The following N4BP1 variants were observed in gnomAD, a reference collection of about 807,000 sequenced individuals.
The protein encoded by N4BP1 is NEDD4-binding protein 1.
Under a neutral mutation model 70.9 loss-of-function variants are expected in N4BP1, and 21 were observed. The observed-to-expected ratio is 0.30, with a 90% CI of 0.21 to 0.43. The LOEUF is 0.43. Among genes scored for constraint, N4BP1 ranks in the 20% least tolerant of loss-of-function variants. The pLI is 1.00. For synonymous variants in N4BP1, 387 were observed against 394.6 expected (o/e 0.98, Z 0.23); for missense variants, 936 against 1,069.4 (o/e 0.88, Z 1.74).
chr16:48,593,358 G>T (rs1393769992), intron 1 of N4BP1, among the ~76,000 whole-genome samples: 1 of 152,234 alleles, frequency 6.6e-6, no homozygotes, highest in African/African-American at 2.4e-5. Flanking sequence ...AGTGTGTAAG[G>T]AAAGCAGAAT....
chr16:48,597,903 AG>A (rs1964440567), intron 1 of N4BP1, among the ~76,000 whole-genome samples: 2 of 152,224 alleles, frequency 1.3e-5, no homozygotes, highest in Non-Finnish European at 2.9e-5. Flanking sequence ...ATGAAGAAAA[AG>A]TTTTGGTGGA....
intron 1 of N4BP1, among the ~76,000 whole-genome samples, chr16:48,576,741 T>C (rs1302250079): frequency 2.6e-5 from 4 of 152,218 alleles, no homozygotes; most frequent in Non-Finnish European, 4.4e-5. Context: ...TTCAAAGTCA[T>C]GTCTTTGCAT....
At position 48,609,862 on chromosome 16, in the gene N4BP1, C is replaced by A; in HGVS notation, c.111G>T (p.Val37=). 1 of 1,489,158 alleles carries A rather than the reference C, an allele frequency of 6.7e-7. No individual in the cohort carries two copies. The highest frequency in any genetic ancestry group is 1.5e-5 in the African/African-American group (1 of 68,926). The allele number at this position is 1,489,158 out of a possible 1,614,324, so 92.2% of individuals were successfully genotyped here. ...GCTCCTCAGCCCCTAGCGCGCCGAG[C>A]ACGGCTAGGCTCACGCCAAACAGGC... is the stretch of plus-strand genomic sequence containing the variant. ...IEGLFGVSLA[V]LGALGAEEPL... The change falls in exon 1 of 7, where the codon GTG becomes GTT. Residue 37 remains valine, a synonymous_variant. Transcript: ENST00000262384.
intron 1 of N4BP1, among the ~76,000 whole-genome samples, chr16:48,593,574 G>C (rs987300243): frequency 3.9e-5 from 6 of 152,108 alleles, no homozygotes; most frequent in African/African-American, 1.4e-4. Flanking sequence ...TTGAACATTG[G>C]AATAAAAGTG....
chr16:48,574,323 T>C (rs1964063003), intron 1 of N4BP1, among the ~76,000 whole-genome samples: 2 of 152,234 alleles, frequency 1.3e-5, no homozygotes, highest in African/African-American at 4.8e-5. Context: ...ATTTTAAGTT[T>C]TGCTTGTTTC....
At position 48,561,072 on chromosome 16, in the gene N4BP1, T is replaced by C. The variant is rs1158835111; in HGVS notation, c.1571A>G (p.Asn524Ser). 2 of 1,613,960 alleles carry C rather than the reference T, an allele frequency of 1.2e-6. No homozygotes were observed. Among genetic ancestry groups the C allele is most frequent in the South Asian group, 2.2e-5 (2 of 91,086 alleles). Residue 524 changes from asparagine (N) to serine (S), a missense_variant, in exon 2 of 7, where the codon AAT becomes AGT. Asn to Ser is a conservative substitution (Grantham distance 46). Coordinates refer to ENST00000262384, the MANE Select transcript of N4BP1 (RefSeq NM_153029.4). ...HQPRVPLFPE[N>S]GLHQQPEPLL... ...GGGTTCTGGCTGCTGGTGTAAACCA[T>C]TTTCAGGAAAAAGTGGAACTCTGGG...
At chr16:48,580,355 CACAT>C (rs1964159223) in intron 1 of N4BP1, among the ~76,000 whole-genome samples, 1 of 152,034 alleles carries the variant, frequency 6.6e-6, no homozygotes, top group African/African-American at 2.4e-5. Context: ...AATTCCTTGA[CACAT>C]ACAACCTACC....
chr16:48,590,167 A>G (rs1436591063), intron 1 of N4BP1, among the ~76,000 whole-genome samples: 1 of 152,108 alleles, frequency 6.6e-6, no homozygotes, highest in East Asian at 1.9e-4. Context: ...ATCAGCTGAC[A>G]CCACCCAGAT....
chr16:48,565,168 T>C (rs1963922207), intron 1 of N4BP1, among the ~76,000 whole-genome samples: 1 of 152,220 alleles, frequency 6.6e-6, no homozygotes, highest in Non-Finnish European at 1.5e-5. Context: ...CTTGCCTTAT[T>C]GCAGTGGCTA....
At chr16:48,599,541 T>A (rs1295279362) in intron 1 of N4BP1, among the ~76,000 whole-genome samples, 1 of 152,194 alleles carries the variant, frequency 6.6e-6, no homozygotes, top group East Asian at 1.9e-4. Context: ...CTGTACTCAT[T>A]TCCTCCAATG....
intron 1 of N4BP1, among the ~76,000 whole-genome samples, chr16:48,594,599 G>A (rs1964384035): frequency 1.3e-5 from 2 of 152,066 alleles, no homozygotes; most frequent in African/African-American, 4.8e-5. Context: ...CAAGTGATCT[G>A]CCCACCTCGA....
intron 1 of N4BP1, chr16:48,600,604 A>C (rs1964480450): frequency 9.0e-6 from 5 of 556,066 alleles, no homozygotes; most frequent in South Asian, 7.1e-5. Flanking sequence ...TGGAAGAGAA[A>C]ACAGTACAGC....
intron 1 of N4BP1, among the ~76,000 whole-genome samples, chr16:48,563,365 T>A (rs989824699): frequency 4.0e-5 from 6 of 151,600 alleles, no homozygotes; most frequent in East Asian, 1.9e-4. Context: ...TAAAAAAAAA[T>A]TTTTTAAATT....
intron 1 of N4BP1, among the ~76,000 whole-genome samples, chr16:48,585,741 G>C (rs1964237022): frequency 6.6e-6 from 1 of 151,230 alleles, no homozygotes; most frequent in Non-Finnish European, 1.5e-5. Flanking sequence ...TGTTGCCCAA[G>C]CTGGCGTGCA....
intron 1 of N4BP1, among the ~76,000 whole-genome samples, chr16:48,563,370 T>A (rs1447294433): frequency 4.0e-5 from 6 of 151,772 alleles, no homozygotes; most frequent in African/African-American, 1.2e-4. Context: ...AAAAATTTTT[T>A]AAATTTTTAA....
At chr16:48,583,871 T>G (rs9936454) in intron 1 of N4BP1, among the ~76,000 whole-genome samples, 61,269 of 151,988 alleles carry the variant, frequency 0.4, 13,324 homozygotes, top group African/African-American at 0.56. Context: ...AAACTGAGTG[T>G]CCCCAGAAGG....
rs138115826 is a variant in N4BP1 at position 48,552,591 on chromosome 16, G to A, written c.2020+948C>T. 7.4e-3 allele frequency among the ~76,000 whole-genome samples: 1,119 copies of A among 150,748 alleles called. 13 individuals are homozygous for A. The highest frequency in any genetic ancestry group is 0.026 in the African/African-American group (1,067 of 41,004). On this transcript the variant is annotated intron_variant, in intron 3 of 6. Coordinates refer to ENST00000262384, the MANE Select transcript of N4BP1 (RefSeq NM_153029.4). ...TGCGTGCCTGCAGTCCCAGCTACTC[G>A]GGAGGCTGAAGCAGAAGAATCACTT...
intron 1 of N4BP1, among the ~76,000 whole-genome samples, chr16:48,581,103 C>T (rs1340233402): frequency 6.6e-6 from 1 of 151,898 alleles, no homozygotes; most frequent in Non-Finnish European, 1.5e-5. Flanking sequence ...AGGATTCATC[C>T]AAGGAATGCA....
intron 1 of N4BP1, among the ~76,000 whole-genome samples, chr16:48,603,195 C>A (rs1964529492): frequency 6.6e-6 from 1 of 152,156 alleles, no homozygotes; most frequent in South Asian, 2.1e-4. Flanking sequence ...CAATTACTAG[C>A]TGTTCTTAAA....
Sources: gnomAD v4.1 joint callset for allele counts (sites outside exome capture counted in the v4.1 genomes callset) on GRCh38, gnomAD v4.1.1 for gene constraint, MANE v1.5 for transcripts, NCBI Gene and HGNC (gene_info 2026-07-23, HGNC 2026-07-21) for gene names.